IL1RAPL1: variants seen among roughly 807,000 people sequenced by gnomAD.
The protein encoded by IL1RAPL1 is interleukin-1 receptor accessory protein-like 1.
IL1RAPL1 carries 3 observed loss-of-function variants against 48.4 expected under a neutral mutation model. That is an observed-to-expected ratio of 0.06 (90% CI 0.03 to 0.16). The LOEUF is 0.16. Among genes scored for constraint, IL1RAPL1 ranks in the 10% least tolerant of loss-of-function variants. The probability of loss-of-function intolerance (pLI) is 1.00; values close to 1 mark genes in which losing one functional copy is unlikely to be tolerated. For missense variants in IL1RAPL1, 349 were observed against 530.6 expected, an observed-to-expected ratio of 0.66 and a Z score of 3.36; for synonymous variants, 185 against 187.7, an observed-to-expected ratio of 0.99 and a Z score of 0.12.
chrX:28,717,898 T>C (rs991574917), intron 1 of IL1RAPL1, among the ~76,000 whole-genome samples: 1 of 111,654 alleles, frequency 9.0e-6, no homozygotes, highest in African/African-American at 3.2e-5. Flanking sequence ...AATAATCTAA[T>C]GTAGTATTTT....
At chrX:29,230,523 A>AAACAAAAAC (rs1555978823) in intron 2 of IL1RAPL1, among the ~76,000 whole-genome samples, 1 of 93,339 alleles carries the variant, frequency 1.1e-5, no homozygotes, top group African/African-American at 4.2e-5. Flanking sequence ...AAAAAAAAAA[A>AAACAAAAAC]AAAAAAAAAA....
chrX:29,561,906 T>G lies in IL1RAPL1; in HGVS notation c.704-106524T>G, dbSNP rs146667929. On this transcript the variant is annotated intron_variant, in intron 5 of 10. Coordinates refer to ENST00000378993, the MANE Select transcript of IL1RAPL1 (RefSeq NM_014271.4). ...ATTACATTAGAAAAGAACAAGGTGT[T>G]CACCTTCTTTAATGATGTAGTTACA... is the stretch of plus-strand genomic sequence containing the variant. Among the ~76,000 whole-genome samples the G allele has an allele frequency of 9.3e-3, 1,035 of 111,626 alleles. 13 individuals are homozygous for G. Among genetic ancestry groups the G allele is most frequent in the African/African-American group, 0.032 (984 of 30,682 alleles).
At chrX:29,244,883 G>T (rs926621350) in intron 2 of IL1RAPL1, among the ~76,000 whole-genome samples, 1 of 110,003 alleles carries the variant, frequency 9.1e-6, no homozygotes, top group East Asian at 2.9e-4. Context: ...CCATCCACCC[G>T]TCATCTATGT....
intron 1 of IL1RAPL1, among the ~76,000 whole-genome samples, chrX:28,711,495 C>T (rs1234713749): frequency 1.8e-5 from 2 of 109,741 alleles, no homozygotes; most frequent in East Asian, 2.9e-4. Context: ...GAGCTATCAG[C>T]GTAAATAAAA....
chrX:28,913,633 A>G (rs1285112957), intron 2 of IL1RAPL1, among the ~76,000 whole-genome samples: 1 of 111,448 alleles, frequency 9.0e-6, no homozygotes, highest in African/African-American at 3.3e-5. Context: ...CAAGGCTGCA[A>G]TGAGCTATGA....
chrX:29,016,995 T>G (rs1183366243), intron 2 of IL1RAPL1, among the ~76,000 whole-genome samples: 1 of 111,830 alleles, frequency 8.9e-6, no homozygotes, highest in Admixed American at 9.6e-5. Context: ...CATTATACTT[T>G]TCTTTAAAAA....
chrX:29,442,560 A>C (rs1437986331), intron 5 of IL1RAPL1, among the ~76,000 whole-genome samples: 1 of 112,252 alleles, frequency 8.9e-6, no homozygotes, highest in African/African-American at 3.2e-5. Context: ...AATTTAAAAC[A>C]AAGAAATTTT....
chrX:29,575,212 C>T (rs1159473686), intron 5 of IL1RAPL1, among the ~76,000 whole-genome samples: 3 of 111,640 alleles, frequency 2.7e-5, no homozygotes, highest in Non-Finnish European at 5.6e-5. Flanking sequence ...CAGGGTTCTC[C>T]AGAGGGACAG....
Position 29,917,562 on chromosome X carries a change from C to T in IL1RAPL1, c.877C>T (p.Leu293=), listed in dbSNP as rs1932808730. 1 of 1,206,944 alleles carries T rather than the reference C, an allele frequency of 8.3e-7. No individual in the cohort carries two copies. Among genetic ancestry groups the T allele is most frequent in the Admixed American group, 2.2e-5 (1 of 45,658 alleles). Residue 293 remains leucine, a synonymous_variant, in exon 7 of 11, where the codon CTG becomes TTG. Transcript: ENST00000378993. ...GAAAGGAGAAAAATTTATTGAAGAT[C>T]TGGATGAAAATCGAGTTTGGGAAAG... ...WMKGEKFIED[L]DENRVWESDI... is the part of the protein sequence containing the mutation.
chrX:29,000,638 C>T, intron 2 of IL1RAPL1, among the ~76,000 whole-genome samples: 1 of 111,947 alleles, frequency 8.9e-6, no homozygotes, highest in Non-Finnish European at 1.9e-5. Flanking sequence ...CAGTATCATA[C>T]CACTCACAAT....
At chrX:28,855,146 A>G (rs1921772140) in intron 2 of IL1RAPL1, among the ~76,000 whole-genome samples, 1 of 111,447 alleles carries the variant, frequency 9.0e-6, no homozygotes, top group Admixed American at 9.5e-5. Context: ...TATCCTCCCA[A>G]GTAGCTGGGA....
chrX:28,949,558 G>GA (rs1924395208), intron 2 of IL1RAPL1, among the ~76,000 whole-genome samples: 1 of 111,543 alleles, frequency 9.0e-6, no homozygotes, highest in Non-Finnish European at 1.9e-5. Context: ...GTCCTTTGTA[G>GA]AAAAAATTTG....
chrX:28,962,743 G>T (rs985787192), intron 2 of IL1RAPL1, among the ~76,000 whole-genome samples: 4 of 110,799 alleles, frequency 3.6e-5, no homozygotes, highest in African/African-American at 1.3e-4. Context: ...AAGTATATGG[G>T]AATATGTGCA....
intron 3 of IL1RAPL1, among the ~76,000 whole-genome samples, chrX:29,342,980 C>G (rs952163514): frequency 8.9e-6 from 1 of 111,799 alleles, no homozygotes; most frequent in Non-Finnish European, 1.9e-5. Flanking sequence ...TAGATGATGA[C>G]TGAAAAGTCG....
intron 9 of IL1RAPL1, among the ~76,000 whole-genome samples, chrX:29,950,020 T>A (rs181082484): frequency 1.2e-3 from 129 of 112,115 alleles, no homozygotes; most frequent in African/African-American, 3.9e-3. Flanking sequence ...ATGCAGACTC[T>A]GGAGAAAGAG....
At chrX:28,627,388 C>G (rs1372142455) in intron 1 of IL1RAPL1, among the ~76,000 whole-genome samples, 1 of 111,715 alleles carries the variant, frequency 9.0e-6, no homozygotes, top group Non-Finnish European at 1.9e-5. Context: ...GCTAATGCAG[C>G]TCTTCTGAAG....
intron 5 of IL1RAPL1, among the ~76,000 whole-genome samples, chrX:29,556,218 G>A (rs1369775844): frequency 2.7e-5 from 3 of 111,904 alleles, no homozygotes; most frequent in Admixed American, 1.9e-4. Flanking sequence ...GTTAACAGTC[G>A]AAATTTGATT....
At chrX:29,835,729 A>C (rs1007568046) in intron 6 of IL1RAPL1, among the ~76,000 whole-genome samples, 2 of 110,748 alleles carry the variant, frequency 1.8e-5, no homozygotes, top group Non-Finnish European at 3.8e-5. Context: ...TTCATAATTC[A>C]ATCTTGGTTA....
intron 2 of IL1RAPL1, among the ~76,000 whole-genome samples, chrX:28,940,886 A>T (rs182715752): frequency 2.4e-3 from 270 of 110,678 alleles, no homozygotes; most frequent in African/African-American, 8.5e-3. Flanking sequence ...AATTTTCATA[A>T]ATGCTGTACC....
Sources: gnomAD v4.1 joint callset for allele counts (sites outside exome capture counted in the v4.1 genomes callset) on GRCh38, gnomAD v4.1.1 for gene constraint, MANE v1.5 for transcripts, NCBI Gene and HGNC (gene_info 2026-07-23, HGNC 2026-07-21) for gene names.